ABL2: variants seen among roughly 807,000 people sequenced by gnomAD.
The protein encoded by ABL2 is ABL proto-oncogene 2, non-receptor tyrosine kinase, also known as tyrosine-protein kinase ABL2.
Under a neutral mutation model 107.7 loss-of-function variants are expected in ABL2, and 49 were observed. The ratio of observed to expected loss-of-function variants is 0.45; its 90% CI spans 0.36 to 0.58. The LOEUF is 0.58. ABL2 is among the 20% of genes least tolerant of loss of function. The probability of loss-of-function intolerance (pLI) is 0.00; values close to 1 mark genes in which losing one functional copy is unlikely to be tolerated. For synonymous variants in ABL2, 549 were observed against 548.6 expected, an observed-to-expected ratio of 1.00 and a Z score of -0.01; for missense variants, 1,245 against 1,457.0, an observed-to-expected ratio of 0.85 and a Z score of 2.37.
intron 1 of ABL2, among the ~76,000 whole-genome samples, chr1:179,178,721 C>T (rs564573472): frequency 6.6e-6 from 1 of 152,098 alleles, no homozygotes; most frequent in East Asian, 1.9e-4. Flanking sequence ...GAAACCCCGC[C>T]TCTACTAAAA....
At position 179,185,246 on chromosome 1, in the gene ABL2, C is replaced by A. The variant is rs533572235; in HGVS notation, c.157+43995G>T. On this transcript the variant is annotated intron_variant, in intron 1 of 11. Transcript: ENST00000502732. ...GAGATGTTTGGATGGGTTAAGCGGGCATTTTGACAACATGGCTTCTCTTTT... is the reference window on the plus strand; with the variant it reads ...GAGATGTTTGGATGGGTTAAGCGGGAATTTTGACAACATGGCTTCTCTTTT... Among the ~76,000 whole-genome samples, 38 of 152,244 alleles carry A rather than the reference C, an allele frequency of 2.5e-4. No individual in the cohort carries two copies. In the East Asian group the frequency reaches 6.7e-3, roughly 27 times the overall value.
At chr1:179,110,793 G>C in intron 10 of ABL2, 1 of 1,613,930 alleles carries the variant, frequency 6.2e-7, no homozygotes, top group Non-Finnish European at 8.5e-7. Flanking sequence ...ATCCTGCTCT[G>C]TGTCTTTTGG....
chr1:179,146,567 C>CA (rs1404527330), intron 1 of ABL2, among the ~76,000 whole-genome samples: 1 of 152,086 alleles, frequency 6.6e-6, no homozygotes, highest in Non-Finnish European at 1.5e-5. Context: ...TGTCCCTACC[C>CA]AAAATCTCAT....
chr1:179,149,437 G>A (rs1418294766), intron 1 of ABL2, among the ~76,000 whole-genome samples: 1 of 152,206 alleles, frequency 6.6e-6, no homozygotes, highest in Non-Finnish European at 1.5e-5. Context: ...AGAAAATCTA[G>A]CTAAGATCAC....
chr1:179,164,200 TTTAAA>T (rs1295467326), intron 1 of ABL2, among the ~76,000 whole-genome samples: 3 of 152,224 alleles, frequency 2.0e-5, no homozygotes, highest in African/African-American at 7.2e-5. Context: ...GTGACGATTT[TTTAAA>T]TTAAGAGAAA....
intron 1 of ABL2, chr1:179,137,906 TC>T (rs1657189074): frequency 6.6e-6 from 1 of 152,080 alleles, no homozygotes; most frequent in Admixed American, 6.6e-5. Flanking sequence ...GTGCCTTACA[TC>T]CACAGCAAGT....
chr1:179,215,979 GTAT>G (rs1438120566), intron 1 of ABL2, among the ~76,000 whole-genome samples: 1 of 152,142 alleles, frequency 6.6e-6, no homozygotes, highest in Non-Finnish European at 1.5e-5. Flanking sequence ...TACATATTAT[GTAT>G]TATACTAAGC....
At chr1:179,169,151 A>G (rs1388951793) in intron 1 of ABL2, among the ~76,000 whole-genome samples, 3 of 152,146 alleles carry the variant, frequency 2.0e-5, no homozygotes, top group Admixed American at 6.6e-5. Flanking sequence ...TAGAAATGAA[A>G]TATCAGTGTA....
chr1:179,153,788 T>A (rs2102736563), intron 1 of ABL2, among the ~76,000 whole-genome samples: 1 of 152,308 alleles, frequency 6.6e-6, no homozygotes, highest in Middle Eastern at 3.4e-3. Context: ...CTCCCAAATG[T>A]CACCAGCCCA....
chr1:179,229,267 G>C lies in ABL2; in HGVS notation c.131C>G (p.Thr44Ser). The C allele has an allele frequency of 6.4e-7, 1 of 1,559,636 alleles. No homozygotes were observed. The highest frequency in any genetic ancestry group is 8.7e-7 in the Non-Finnish European group (1 of 1,154,104). ...ATGCTGGGTGAAGATATTGAAGCCG[G>C]TCTCTGTGGTGCGCCCCGCCGGGTC... ...RRDPAGRTTE[T>S]GFNIFTQHDH... Residue 44 changes from threonine (T) to serine (S), a missense_variant, in exon 1 of 12, where the codon ACC becomes AGC. Physicochemically the swap from Thr to Ser is moderately conservative, Grantham distance 58. This residue lies in a region of ABL2 where 164 missense variants were observed against 143.7 expected (regional missense o/e 1.14). Transcript: ENST00000502732.
intron 1 of ABL2, among the ~76,000 whole-genome samples, chr1:179,195,243 G>A (rs1450668038): frequency 1.3e-5 from 2 of 152,064 alleles, no homozygotes; most frequent in Admixed American, 6.6e-5. Flanking sequence ...AGCTGAGATC[G>A]CACCACTGCA....
rs1391527596 is a variant in ABL2 at position 179,117,334 on chromosome 1, C to G, written c.1406G>C (p.Trp469Ser). The change falls in exon 8 of 12, where the codon TGG becomes TCG. Residue 469 changes from tryptophan to serine, a missense_variant and splice_region_variant. By Grantham distance (177) the Trp-to-Ser change is radical. Around this residue, in one of 3 missense-constraint regions of ABL2, gnomAD observed 320 missense variants for 547.0 expected, o/e 0.59. Coordinates refer to ENST00000502732, the MANE Select transcript of ABL2 (RefSeq NM_007314.4). ...YNTFSIKSDV[W>S]AFGVLLWEIA... The stretch of plus-strand genomic sequence containing the variant: ...AAAAAAGTCCCTTTCAACCTTACCC[C>G]AGACGTCAGATTTAATTGAGAAGGT... The G allele has an allele frequency of 6.2e-7, 1 of 1,613,904 alleles. No homozygotes were observed. The highest frequency in any genetic ancestry group is 8.5e-7 in the Non-Finnish European group (1 of 1,179,968).
At chr1:179,226,992 T>C (rs1167327463) in intron 1 of ABL2, among the ~76,000 whole-genome samples, 4 of 152,204 alleles carry the variant, frequency 2.6e-5, no homozygotes, top group Non-Finnish European at 5.9e-5. Context: ...AAACCCTTGT[T>C]TGTTGAATGA....
At chr1:179,111,310 G>T (rs1377026169) in intron 10 of ABL2, among the ~76,000 whole-genome samples, 2 of 137,592 alleles carry the variant, frequency 1.5e-5, no homozygotes, top group Non-Finnish European at 3.1e-5. Context: ...TTTTGACAGG[G>T]AGTCTTGCTC....
chr1:179,110,585 A>G, intron 10 of ABL2, 130 bp from the exon 11 acceptor site: 1 of 1,499,420 alleles, frequency 6.7e-7, no homozygotes, highest in Non-Finnish European at 8.9e-7. Context: ...ACGGAATCAT[A>G]AAGTATGTAC....
At chr1:179,208,267 C>T (rs949345423) in intron 1 of ABL2, among the ~76,000 whole-genome samples, 10 of 152,040 alleles carry the variant, frequency 6.6e-5, no homozygotes, top group African/African-American at 9.7e-5. Context: ...GTAGTAAGCA[C>T]GGTGCCCAAC....
In ABL2 at chr1:179,104,964, A is replaced by G; in HGVS notation, c.*2754T>C. The G allele has an allele frequency of 4.4e-6, 1 of 226,128 alleles. No homozygotes were observed. Among genetic ancestry groups the G allele is most frequent in the Non-Finnish European group, 8.8e-6 (1 of 113,556 alleles). The allele number at this position is 226,128 out of a possible 1,614,324, so 14.0% of individuals were successfully genotyped here. On this transcript the variant is annotated 3_prime_UTR_variant, in exon 12 of 12. Coordinates refer to ENST00000502732, the MANE Select transcript of ABL2 (RefSeq NM_007314.4). ...GTTTAAGCTGGTCCTTTTCAAGTAGAAAAAGGAAAAACCTAAATTATGCTT... is the reference window on the plus strand; with the variant it reads ...GTTTAAGCTGGTCCTTTTCAAGTAGGAAAAGGAAAAACCTAAATTATGCTT...
intron 3 of ABL2, among the ~76,000 whole-genome samples, chr1:179,130,191 C>T (rs1445243282): frequency 6.6e-6 from 1 of 152,182 alleles, no homozygotes; most frequent in Non-Finnish European, 1.5e-5. Flanking sequence ...ATCCACCAGC[C>T]TCGGCTTCCC....
intron 1 of ABL2, among the ~76,000 whole-genome samples, chr1:179,225,751 C>T (rs1213695234): frequency 2.0e-5 from 3 of 152,048 alleles, no homozygotes; most frequent in Non-Finnish European, 4.4e-5. Flanking sequence ...GGTTAAGAAA[C>T]TATGACGTGG....
Sources: gnomAD v4.1 joint callset for allele counts (sites outside exome capture counted in the v4.1 genomes callset) on GRCh38, gnomAD v4.1.1 for gene constraint, gnomAD v4.1.1 regional missense constraint, MANE v1.5 for transcripts, NCBI Gene and HGNC (gene_info 2026-07-23, HGNC 2026-07-21) for gene names.